The following WDPCP variants were observed in gnomAD, a reference collection of about 807,000 sequenced individuals.
The protein encoded by WDPCP is WD repeat-containing and planar cell polarity effector protein fritz homolog.
In WDPCP, 71 loss-of-function variants were observed where a neutral mutation model predicts 93.1. The ratio of observed to expected loss-of-function variants is 0.76; its 90% CI spans 0.63 to 0.93. The LOEUF is 0.93. Ranked by LOEUF, WDPCP falls within the 40% of genes least tolerant of loss-of-function variation. WDPCP has a pLI of 0.00. For missense variants in WDPCP, 844 were observed against 887.4 expected (o/e 0.95, Z 0.62); for synonymous variants, 315 against 315.0 (o/e 1.00, Z 0.00).
chr2:63,509,051 AGGAC>A (rs1702060313), intron 1 of WDPCP, among the ~76,000 whole-genome samples: 1 of 152,202 alleles, frequency 6.6e-6, no homozygotes, highest in Non-Finnish European at 1.5e-5. Flanking sequence ...AAGGATATAC[AGGAC>A]TTGAACTCAC....
At chr2:63,284,335 T>C (rs1441719204) in intron 13 of WDPCP, among the ~76,000 whole-genome samples, 1 of 152,220 alleles carries the variant, frequency 6.6e-6, no homozygotes, top group Non-Finnish European at 1.5e-5. Flanking sequence ...TGGATAATAC[T>C]GAATCCTATA....
intron 1 of WDPCP, among the ~76,000 whole-genome samples, chr2:63,562,092 T>C (rs1706670231): frequency 6.6e-6 from 1 of 152,144 alleles, no homozygotes; most frequent in Admixed American, 6.5e-5. Flanking sequence ...GCAGCACCAT[T>C]CACAATAGCA....
chr2:63,193,089 T>C (rs1364085346), intron 14 of WDPCP, among the ~76,000 whole-genome samples: 2 of 152,326 alleles, frequency 1.3e-5, no homozygotes, highest in African/African-American at 2.4e-5. Flanking sequence ...GCACAATATA[T>C]GGAAAATTCT....
chr2:63,639,966 G>A (rs1230459927), intron 3 of WDPCP, among the ~76,000 whole-genome samples: 1 of 152,120 alleles, frequency 6.6e-6, no homozygotes. Context: ...ATTCTTGGGC[G>A]CTTATTCCAG....
chr2:63,202,528 C>T (rs556890846), intron 14 of WDPCP, among the ~76,000 whole-genome samples: 14 of 152,072 alleles, frequency 9.2e-5, no homozygotes, highest in African/African-American at 3.4e-4. Context: ...TTTTTTTCCA[C>T]GTGATTTTTC....
chr2:63,486,480 T>C (rs1442653263), intron 4 of WDPCP, 62 bp downstream of exon 4: 13 of 1,437,014 alleles, frequency 9.0e-6, no homozygotes, highest in Non-Finnish European at 1.1e-5. Flanking sequence ...TCCAGATGAA[T>C]ATTTTATAAT....
intron 2 of WDPCP, among the ~76,000 whole-genome samples, chr2:63,734,306 C>T (rs1243096093): frequency 6.6e-6 from 1 of 151,834 alleles, no homozygotes; most frequent in Non-Finnish European, 1.5e-5. Context: ...AATTGGCAAA[C>T]ATCACAAAAG....
At chr2:63,227,006 A>AG (rs1231381661) in intron 14 of WDPCP, among the ~76,000 whole-genome samples, 1 of 151,900 alleles carries the variant, frequency 6.6e-6, no homozygotes, top group Non-Finnish European at 1.5e-5. Context: ...AGCTCCAAAC[A>AG]CTTCTTTTTT....
intron 13 of WDPCP, among the ~76,000 whole-genome samples, chr2:63,263,322 T>G (rs1316686091): frequency 6.6e-6 from 1 of 152,232 alleles, no homozygotes; most frequent in Non-Finnish European, 1.5e-5. Context: ...TGCAATGGTA[T>G]TGGAAGGTGG....
chr2:63,566,004 G>T (rs1452599015), intron 1 of WDPCP, among the ~76,000 whole-genome samples: 4 of 152,098 alleles, frequency 2.6e-5, no homozygotes, highest in Non-Finnish European at 5.9e-5. Flanking sequence ...TCTATACTCA[G>T]TACTTTCTCT....
chr2:63,221,006 C>T (rs1225890526), intron 14 of WDPCP, among the ~76,000 whole-genome samples: 1 of 152,180 alleles, frequency 6.6e-6, no homozygotes, highest in Non-Finnish European at 1.5e-5. Flanking sequence ...CTTTCAGCTC[C>T]ATCCCTGTCC....
At chr2:63,525,548 T>C (rs1190616091) in intron 1 of WDPCP, among the ~76,000 whole-genome samples, 1 of 152,252 alleles carries the variant, frequency 6.6e-6, no homozygotes, top group Non-Finnish European at 1.5e-5. Context: ...ATTCCAAGTT[T>C]CATCCAAATC....
intron 14 of WDPCP, among the ~76,000 whole-genome samples, chr2:63,199,659 A>G (rs957766128): frequency 6.6e-6 from 1 of 152,266 alleles, no homozygotes; most frequent in Non-Finnish European, 1.5e-5. Context: ...CTGGATGTCC[A>G]GGCAGAAGTC....
chr2:63,781,995 A>G (rs1670400677), intron 2 of WDPCP, among the ~76,000 whole-genome samples: 1 of 151,274 alleles, frequency 6.6e-6, no homozygotes, highest in South Asian at 2.1e-4. Context: ...TGCAGAGAGA[A>G]TTGGGTAGCC....
intron 2 of WDPCP, among the ~76,000 whole-genome samples, chr2:63,744,586 T>G (rs1669769419): frequency 6.6e-6 from 1 of 152,134 alleles, no homozygotes; most frequent in South Asian, 2.1e-4. Flanking sequence ...GTTGCAATTG[T>G]TTTAAACGTA....
chr2:63,560,964 T>A (rs1458846834), intron 1 of WDPCP, among the ~76,000 whole-genome samples: 2 of 152,178 alleles, frequency 1.3e-5, no homozygotes, highest in Non-Finnish European at 2.9e-5. Context: ...ACATGTACCC[T>A]AGAACTTAAA....
chr2:63,560,952 G>A (rs1171236247), intron 1 of WDPCP, among the ~76,000 whole-genome samples: 1 of 152,166 alleles, frequency 6.6e-6, no homozygotes, highest in Non-Finnish European at 1.5e-5. Context: ...TGCACGTTGT[G>A]CACATGTACC....
At chr2:63,177,448 C>T (rs1673897489) in intron 14 of WDPCP, among the ~76,000 whole-genome samples, 1 of 152,048 alleles carries the variant, frequency 6.6e-6, no homozygotes, top group Non-Finnish European at 1.5e-5. Flanking sequence ...AGTCTTTTAC[C>T]TCCTTGGTTA....
intron 9 of WDPCP, among the ~76,000 whole-genome samples, chr2:63,407,699 A>C (rs1694695067): frequency 1.3e-5 from 2 of 152,366 alleles, no homozygotes; most frequent in South Asian, 2.1e-4. Context: ...TCTTTAAAAA[A>C]ATAATCTGTC....
Sources: allele counts gnomAD v4.1 joint callset (sites outside exome capture counted in the v4.1 genomes callset), GRCh38; gene constraint gnomAD v4.1.1; transcripts MANE v1.5; gene names NCBI Gene and HGNC (gene_info 2026-07-23, HGNC 2026-07-21).